The following TMC7 variants were observed in gnomAD, a reference collection of about 807,000 sequenced individuals.
The protein encoded by TMC7 is transmembrane channel like 7.
Under a neutral mutation model 82.9 loss-of-function variants are expected in TMC7, and 54 were observed. The observed-to-expected ratio is 0.65, with a 90% CI of 0.52 to 0.82. The LOEUF (loss-of-function observed/expected upper bound fraction) is 0.82. Among genes scored for constraint, TMC7 ranks in the 40% least tolerant of loss-of-function variants. TMC7 has a pLI of 0.00. For synonymous variants in TMC7, 350 were observed against 337.9 expected, an observed-to-expected ratio of 1.04 and a Z score of -0.39; for missense variants, 820 against 901.2, an observed-to-expected ratio of 0.91 and a Z score of 1.15.
rs372118550 is a variant in TMC7 at position 18,988,690 on chromosome 16, C to T, written c.67+4560C>T. ...ATCTTCTTGCCTTGGCCTCCTGGAG[C>T]ACTTGATTACGGGCATGACTGCATG... is the stretch of plus-strand genomic sequence containing the variant. On this transcript the variant is annotated intron_variant, in intron 1 of 15. Coordinates refer to ENST00000304381, the MANE Select transcript of TMC7 (RefSeq NM_024847.4). Among the ~76,000 whole-genome samples the T allele has an allele frequency of 4.0e-4, 61 of 152,300 alleles. 1 individual carries two copies. The South Asian group carries it at 0.011, about 28-fold the overall frequency.
At chr16:18,986,314 G>A (rs71373169) in intron 1 of TMC7, among the ~76,000 whole-genome samples, 44,010 of 150,202 alleles carry the variant, frequency 0.29, 6,816 homozygotes, top group Non-Finnish European at 0.35. Flanking sequence ...AGAATCGCTT[G>A]AACCCGGGAG....
At chr16:19,045,235 G>T in intron 10 of TMC7, 106 bp from the exon 11 acceptor site, 1 of 979,286 alleles carries the variant, frequency 1.0e-6, no homozygotes, top group African/African-American at 1.6e-5. Flanking sequence ...CCTCACTGGA[G>T]CCACAGGATC....
At chr16:19,060,685 T>C (rs756398841) in intron 15 of TMC7, among the ~76,000 whole-genome samples, 3 of 151,996 alleles carry the variant, frequency 2.0e-5, no homozygotes, top group Admixed American at 6.6e-5. Flanking sequence ...GATATTGTAA[T>C]AGCAACCAGA....
At chr16:19,032,946 G>C (rs1311667571) in intron 6 of TMC7, among the ~76,000 whole-genome samples, 1 of 152,148 alleles carries the variant, frequency 6.6e-6, no homozygotes, top group Non-Finnish European at 1.5e-5. Flanking sequence ...AGGTTTGTTA[G>C]TTGCACAGCG....
At chr16:18,994,862 G>A (rs903291803) in intron 1 of TMC7, among the ~76,000 whole-genome samples, 3 of 152,260 alleles carry the variant, frequency 2.0e-5, no homozygotes, top group Non-Finnish European at 4.4e-5. Flanking sequence ...CTTTTAAAGC[G>A]TGCTGTGAGA....
intron 2 of TMC7, among the ~76,000 whole-genome samples, chr16:19,015,916 TTGTA>T (rs1341341017): frequency 2.6e-5 from 4 of 152,104 alleles, no homozygotes; most frequent in African/African-American, 9.7e-5. Context: ...TTTCAATTCT[TTGTA>T]TGTACCTAGG....
At chr16:19,052,201 G>A (rs1241474795) in intron 13 of TMC7, among the ~76,000 whole-genome samples, 4 of 152,172 alleles carry the variant, frequency 2.6e-5, no homozygotes, top group East Asian at 3.9e-4. Flanking sequence ...CAAAGTACTC[G>A]GATTACAGGC....
intron 12 of TMC7, among the ~76,000 whole-genome samples, chr16:19,048,614 T>G (rs1345335464): frequency 1.3e-5 from 2 of 151,724 alleles, no homozygotes; most frequent in East Asian, 3.9e-4. Context: ...AGAGAGAGAG[T>G]TTCTCCATGT....
chr16:19,019,565 A>G (rs948574911), intron 3 of TMC7, among the ~76,000 whole-genome samples: 3 of 152,134 alleles, frequency 2.0e-5, no homozygotes, highest in Non-Finnish European at 2.9e-5. Flanking sequence ...GGTACTTGTC[A>G]TTTGCATGGC....
intron 15 of TMC7, among the ~76,000 whole-genome samples, chr16:19,061,393 C>T (rs1375243828): frequency 6.6e-6 from 1 of 152,222 alleles, no homozygotes. Flanking sequence ...AGGTGATCCA[C>T]CTGCCTTGGC....
At chr16:19,033,177 G>A (rs1271282249) in intron 6 of TMC7, among the ~76,000 whole-genome samples, 1 of 152,168 alleles carries the variant, frequency 6.6e-6, no homozygotes, top group Non-Finnish European at 1.5e-5. Context: ...TGTGAAATGT[G>A]CATCCTGGAA....
At chr16:18,997,314 G>A (rs2039060118) in intron 1 of TMC7, among the ~76,000 whole-genome samples, 1 of 152,236 alleles carries the variant, frequency 6.6e-6, no homozygotes, top group Non-Finnish European at 1.5e-5. Flanking sequence ...GACCTCAAGT[G>A]ATCAGCCTGC....
intron 13 of TMC7, among the ~76,000 whole-genome samples, chr16:19,053,731 C>T (rs909515322): frequency 2.6e-5 from 4 of 152,004 alleles, no homozygotes; most frequent in African/African-American, 9.7e-5. Context: ...AATGCATTCA[C>T]ATAGCACAAA....
At chr16:19,058,940 C>T (rs1378289079) in intron 14 of TMC7, among the ~76,000 whole-genome samples, 2 of 152,024 alleles carry the variant, frequency 1.3e-5, no homozygotes, top group Non-Finnish European at 2.9e-5. Flanking sequence ...TGCAGTGATG[C>T]GATCTCAGCT....
chr16:18,990,067 G>A (rs999022515), intron 1 of TMC7, among the ~76,000 whole-genome samples: 2 of 152,102 alleles, frequency 1.3e-5, no homozygotes, highest in African/African-American at 2.4e-5. Flanking sequence ...TGTTTTGCAG[G>A]CAGGGGTGGA....
At position 19,053,162 on chromosome 16, in the gene TMC7, T is replaced by C. The variant is rs1416334162; in HGVS notation, c.1871+1346T>C. On this transcript the variant is annotated intron_variant, in intron 13 of 15. Coordinates refer to ENST00000304381, the MANE Select transcript of TMC7 (RefSeq NM_024847.4). ...TGCTCCTTATCTTCACCTCTTATTCTCACTCTCCATAGGTTACGTAACAAC... is the reference window on the plus strand; with the variant it reads ...TGCTCCTTATCTTCACCTCTTATTCCCACTCTCCATAGGTTACGTAACAAC... 1.3e-5 allele frequency among the ~76,000 whole-genome samples: 2 copies of C among 152,184 alleles called. 1 individual carries two copies. Among genetic ancestry groups the C allele is most frequent in the Admixed American group, 1.3e-4 (2 of 15,260 alleles).
At position 19,016,611 on chromosome 16, in the gene TMC7, C is replaced by A. The variant is rs768793645; in HGVS notation, c.460+13C>A. 24 of 1,611,496 alleles carry A rather than the reference C, an allele frequency of 1.5e-5. No individual in the cohort carries two copies. The Admixed American group carries it at 4.0e-4, about 27-fold the overall frequency. On this transcript the variant is annotated intron_variant, in intron 3 of 15. Coordinates refer to ENST00000304381, the MANE Select transcript of TMC7 (RefSeq NM_024847.4). ...CGCAGCATAGAAGGTATGCTGTCCTCACCTCTCTGCAGGCTCCTCCGCAGA... is the reference window on the plus strand; with the variant it reads ...CGCAGCATAGAAGGTATGCTGTCCTAACCTCTCTGCAGGCTCCTCCGCAGA...
chr16:19,050,393 C>A (rs12918252), intron 12 of TMC7, among the ~76,000 whole-genome samples: 255 of 116,556 alleles, frequency 2.2e-3, no homozygotes, highest in African/African-American at 7.4e-3. Flanking sequence ...AAAAAAAAAA[C>A]CAAAAAAAAC....
intron 3 of TMC7, 103 bp from the exon 4 acceptor site, chr16:19,021,526 C>A: frequency 8.0e-7 from 1 of 1,254,134 alleles, no homozygotes; most frequent in Non-Finnish European, 1.1e-6. Flanking sequence ...TTCCTCCTTC[C>A]AGCTACTGAT....
Sources: allele counts gnomAD v4.1 joint callset (sites outside exome capture counted in the v4.1 genomes callset), GRCh38; gene constraint gnomAD v4.1.1; transcripts MANE v1.5; gene names NCBI Gene and HGNC (gene_info 2026-07-23, HGNC 2026-07-21).